Variants in OLFM3 observed in about 807,000 individuals in gnomAD.
OLFM3 encodes the protein noelin-3.
Under a neutral mutation model 48.6 loss-of-function variants are expected in OLFM3, and 20 were observed. The ratio of observed to expected loss-of-function variants is 0.41; its 90% confidence interval spans 0.29 to 0.60. OLFM3 has a LOEUF of 0.60. OLFM3 is among the 20% of genes least tolerant of loss of function. The pLI is 0.28. For missense variants in OLFM3, 437 were observed against 544.3 expected (o/e 0.80, Z 1.96); for synonymous variants, 222 against 198.1 (o/e 1.12, Z -1.01).
At chr1:101,842,650 A>G (rs1570551614) in intron 1 of OLFM3, among the ~76,000 whole-genome samples, 1 of 152,306 alleles carries the variant, frequency 6.6e-6, no homozygotes, top group Admixed American at 6.5e-5. Flanking sequence ...ATTTAGTCCC[A>G]TGTCTTTCCA....
intron 1 of OLFM3, among the ~76,000 whole-genome samples, chr1:101,964,883 G>C (rs1660566732): frequency 6.6e-6 from 1 of 152,222 alleles, no homozygotes; most frequent in Non-Finnish European, 1.5e-5. Flanking sequence ...TGCTTCAAGG[G>C]AACTGGCATT....
intron 4 of OLFM3, among the ~76,000 whole-genome samples, chr1:101,820,934 T>C (rs1654580844): frequency 6.6e-6 from 1 of 152,118 alleles, no homozygotes; most frequent in Non-Finnish European, 1.5e-5. Context: ...ATGTCTTTGA[T>C]GAATAAGCCT....
At chr1:101,965,588 G>A (rs550334557) in intron 1 of OLFM3, among the ~76,000 whole-genome samples, 10 of 152,224 alleles carry the variant, frequency 6.6e-5, no homozygotes, top group African/African-American at 1.9e-4. Context: ...GAGTCACTGG[G>A]TATCAAACCA....
Position 101,839,633 on chromosome 1 carries a change from A to G in OLFM3, c.70-2608T>C, listed in dbSNP as rs117063807. On this transcript the variant is annotated intron_variant, in intron 1 of 5. Coordinates refer to ENST00000370103, the MANE Select transcript of OLFM3 (RefSeq NM_058170.4). Reference sequence around the variant, plus strand: ...ACAGCAGTCCAAACACTGATTATTAAACCTGGCAGCATTAATATTGACGTG... The same window carrying G: ...ACAGCAGTCCAAACACTGATTATTAGACCTGGCAGCATTAATATTGACGTG... Among the ~76,000 whole-genome samples, 133 of 152,334 alleles carry G rather than the reference A, an allele frequency of 8.7e-4. 3 individuals carry two copies. The East Asian group carries it at 0.023, about 27-fold the overall frequency.
At position 101,813,609 on chromosome 1, in the gene OLFM3, C is replaced by A. The variant is rs569840231; in HGVS notation, c.593-7427G>T. ...ATATCTAGTGTTGGCCAGGGAAGGTCTTATGAACACTTATGAATTTAGTGT... is the reference window on the plus strand; with the variant it reads ...ATATCTAGTGTTGGCCAGGGAAGGTATTATGAACACTTATGAATTTAGTGT... On this transcript the variant is annotated intron_variant, in intron 4 of 5. Transcript: ENST00000370103. Among the ~76,000 whole-genome samples the A allele has an allele frequency of 2.0e-5, 3 of 152,244 alleles. No homozygotes were observed. In the East Asian group the frequency reaches 5.8e-4, roughly 29 times the overall value.
chr1:101,956,086 G>GTTTTTTTTTT (rs71592232), intron 1 of OLFM3, among the ~76,000 whole-genome samples: 21 of 105,078 alleles, frequency 2.0e-4, no homozygotes, highest in African/African-American at 3.1e-4. Flanking sequence ...ACAATAACAG[G>GTTTTTTTTTT]TTTTTTTTTT....
At chr1:101,947,692 A>G (rs11164346) in intron 1 of OLFM3, among the ~76,000 whole-genome samples, 60,827 of 151,846 alleles carry the variant, frequency 0.4, 12,431 homozygotes, top group East Asian at 0.51. Context: ...AAATGTTCAT[A>G]AACTTTTAGT....
chr1:101,846,891 G>C, intron 1 of OLFM3: 1 of 1,612,774 alleles, frequency 6.2e-7, no homozygotes, highest in Non-Finnish European at 8.5e-7. Context: ...TCCCACCAAG[G>C]ATGGGAGAGT....
chr1:101,845,560 A>G (rs2100940257), intron 1 of OLFM3, among the ~76,000 whole-genome samples: 1 of 152,336 alleles, frequency 6.6e-6, no homozygotes, highest in Admixed American at 6.5e-5. Flanking sequence ...TTGAAAAAAA[A>G]ATTGGCTCAG....
chr1:101,907,861 A>G (rs1272409139), intron 1 of OLFM3, among the ~76,000 whole-genome samples: 2 of 150,646 alleles, frequency 1.3e-5, no homozygotes, highest in Admixed American at 1.3e-4. Context: ...CTTGGAAGTA[A>G]TAGTAAAAAA....
At chr1:101,957,801 G>A (rs1479520859) in intron 1 of OLFM3, among the ~76,000 whole-genome samples, 1 of 152,002 alleles carries the variant, frequency 6.6e-6, no homozygotes, top group African/African-American at 2.4e-5. Context: ...CCAAGCATCA[G>A]ATATCTAGCA....
intron 1 of OLFM3, among the ~76,000 whole-genome samples, chr1:101,875,192 G>A (rs1357232176): frequency 3.3e-5 from 5 of 151,874 alleles, no homozygotes; most frequent in African/African-American, 1.2e-4. Context: ...ATACTGAGAT[G>A]GCAGTGAGCA....
At chr1:101,902,365 C>T (rs767390339) in intron 1 of OLFM3, among the ~76,000 whole-genome samples, 20 of 151,862 alleles carry the variant, frequency 1.3e-4, no homozygotes, top group Non-Finnish European at 2.5e-4. Context: ...GATCTATTTC[C>T]ATAAGCTTGG....
chr1:101,942,474 A>G (rs1281996337), intron 1 of OLFM3, among the ~76,000 whole-genome samples: 1 of 152,132 alleles, frequency 6.6e-6, no homozygotes, highest in Non-Finnish European at 1.5e-5. Flanking sequence ...ATACTGGGGG[A>G]AAAGGTTTCT....
intron 4 of OLFM3, among the ~76,000 whole-genome samples, chr1:101,816,457 G>T (rs1654342200): frequency 6.6e-6 from 1 of 152,112 alleles, no homozygotes; most frequent in Non-Finnish European, 1.5e-5. Context: ...GTAATCATGT[G>T]CCTATCTTTC....
At position 101,804,350 on chromosome 1, in the gene OLFM3, G is replaced by A. The variant is rs1000250851; in HGVS notation, c.1265C>T (p.Ser422Phe). ...ATCTCTTGCATTGTAGTCAAGCATG[G>A]ATATGTGAAAGTATTGGTTATGGAA... ...IPFHNQYFHI[S>F]MLDYNARDRA... Residue 422 changes from serine (S) to phenylalanine (F), a missense_variant, in exon 6 of 6, where the codon TCC (serine) becomes TTC (phenylalanine). Physicochemically the swap from Ser to Phe is radical, Grantham distance 155. This residue lies in a region of OLFM3 where 108 missense variants were observed against 135.8 expected (regional missense o/e 0.80). Transcript: ENST00000370103. The surrounding 1 kb of genome is among the most constrained non-coding windows in gnomAD (Gnocchi z 4.5). The A allele has an allele frequency of 6.2e-7, 1 of 1,612,346 alleles. No individual in the cohort carries two copies. Among genetic ancestry groups the A allele is most frequent in the Non-Finnish European group, 8.5e-7 (1 of 1,178,816 alleles).
At chr1:101,923,836 T>C (rs185262191) in intron 1 of OLFM3, among the ~76,000 whole-genome samples, 5 of 152,168 alleles carry the variant, frequency 3.3e-5, no homozygotes. Context: ...TTCTAAAATA[T>C]TCTATATCAT....
rs918862876 is a variant in OLFM3 at position 101,906,416 on chromosome 1, A to G, written c.70-69391T>C. On this transcript the variant is annotated intron_variant, in intron 1 of 5. Transcript: ENST00000370103. ...TTTATTTCATATCTTTTATGTTACC[A>G]AAGAGATTATCTTAGAAATAATTTA... Among the ~76,000 whole-genome samples, 10 of 152,172 alleles carry G rather than the reference A, an allele frequency of 6.6e-5. No individual in the cohort carries two copies. The East Asian group carries it at 1.5e-3, about 24-fold the overall frequency.
intron 1 of OLFM3, among the ~76,000 whole-genome samples, chr1:101,975,892 A>G (rs1343037587): frequency 6.6e-6 from 1 of 152,160 alleles, no homozygotes; most frequent in Non-Finnish European, 1.5e-5. Flanking sequence ...ATATGCAAAA[A>G]TCAAAGAAAG....
Sources: gnomAD v4.1 joint callset for allele counts (sites outside exome capture counted in the v4.1 genomes callset) on GRCh38, gnomAD v4.1.1 for gene constraint, gnomAD v4.1.1 regional missense constraint, Gnocchi (gnomAD v3.1) non-coding constraint, MANE v1.5 for transcripts, NCBI Gene and HGNC (gene_info 2026-07-23, HGNC 2026-07-21) for gene names.